EYS: variants seen among roughly 807,000 people sequenced by gnomAD.
EYS encodes the protein protein eyes shut homolog.
A neutral mutation model predicts 282.1 loss-of-function variants in EYS; 250 were observed. That is an observed-to-expected ratio of 0.89 (90% CI 0.80 to 0.98). The LOEUF (loss-of-function observed/expected upper bound fraction) is 0.98. EYS is among the 50% of genes least tolerant of loss of function. The probability of loss-of-function intolerance (pLI) is 0.00; values close to 1 mark genes in which losing one functional copy is unlikely to be tolerated. For missense variants in EYS, 4,016 were observed against 3,709.0 expected (o/e 1.08, Z -2.15); for synonymous variants, 1,355 against 1,282.9 (o/e 1.06, Z -1.20).
intron 12 of EYS, among the ~76,000 whole-genome samples, chr6:65,203,860 C>T (rs1010116236): frequency 6.6e-6 from 1 of 151,318 alleles, no homozygotes; most frequent in Admixed American, 6.6e-5. Context: ...AGATAAAAGA[C>T]AAAATAGATA....
chr6:64,895,604 T>C (rs116705961), intron 18 of EYS, among the ~76,000 whole-genome samples: 1,991 of 152,254 alleles, frequency 0.013, 45 homozygotes, highest in African/African-American at 0.045. Context: ...GATGAGTAAC[T>C]GAACTAAAGC....
intron 30 of EYS, among the ~76,000 whole-genome samples, chr6:64,268,663 C>T (rs1378860434): frequency 6.6e-6 from 1 of 152,000 alleles, no homozygotes; most frequent in Non-Finnish European, 1.5e-5. Flanking sequence ...ATAGCACTTG[C>T]TGATAGATAG....
intron 29 of EYS, among the ~76,000 whole-genome samples, chr6:64,348,044 A>T (rs2150401382): frequency 6.6e-6 from 1 of 151,542 alleles, no homozygotes; most frequent in African/African-American, 2.4e-5. Flanking sequence ...TTTAATATTT[A>T]AAATTTTTTC....
At chr6:65,575,367 G>T (rs1015152332) in intron 2 of EYS, among the ~76,000 whole-genome samples, 1 of 99,984 alleles carries the variant, frequency 1.0e-5, no homozygotes, top group African/African-American at 3.3e-5. Context: ...TTGATTAAAA[G>T]AAAAAAGTTT....
chr6:65,657,783 G>A (rs1359566933), intron 1 of EYS, among the ~76,000 whole-genome samples: 3 of 151,788 alleles, frequency 2.0e-5, no homozygotes, highest in Non-Finnish European at 4.4e-5. Context: ...TCTACTGTGG[G>A]TAAAATGTTA....
At chr6:65,472,829 T>C (rs1765263483) in intron 5 of EYS, among the ~76,000 whole-genome samples, 2 of 151,996 alleles carry the variant, frequency 1.3e-5, no homozygotes, top group Non-Finnish European at 2.9e-5. Context: ...GTAAATATTG[T>C]CTTTATAAAA....
chr6:65,503,187 T>C (rs1303271453), intron 2 of EYS, among the ~76,000 whole-genome samples: 3 of 151,712 alleles, frequency 2.0e-5, no homozygotes, highest in Non-Finnish European at 4.4e-5. Flanking sequence ...TACTGGTATC[T>C]CATTGTTGCT....
chr6:63,817,210 C>A (rs1247587685), intron 36 of EYS, among the ~76,000 whole-genome samples: 2 of 152,132 alleles, frequency 1.3e-5, no homozygotes, highest in African/African-American at 4.8e-5. Context: ...TCAGCATCCA[C>A]AAGAGATAGT....
chr6:64,552,876 G>A (rs1418573402), intron 26 of EYS, among the ~76,000 whole-genome samples: 4 of 151,668 alleles, frequency 2.6e-5, no homozygotes, highest in East Asian at 2.0e-4. Flanking sequence ...CAGAGATCAC[G>A]CCATTGCACT....
At chr6:65,393,440 G>A (rs950289113) in intron 7 of EYS, among the ~76,000 whole-genome samples, 1 of 152,142 alleles carries the variant, frequency 6.6e-6, no homozygotes, top group Non-Finnish European at 1.5e-5. Context: ...AAATTATTGA[G>A]TGACCAAGTG....
At chr6:64,954,273 TA>T (rs962156538) in intron 14 of EYS, among the ~76,000 whole-genome samples, 338 of 145,364 alleles carry the variant, frequency 2.3e-3, no homozygotes, top group African/African-American at 6.5e-3. Flanking sequence ...AATGTCGGTT[TA>T]AAAAAAAAAA....
chr6:65,544,710 T>A (rs889659631), intron 2 of EYS, among the ~76,000 whole-genome samples: 1 of 152,118 alleles, frequency 6.6e-6, no homozygotes, highest in African/African-American at 2.4e-5. Flanking sequence ...ATGTGCTGAG[T>A]AAAATTTTTA....
chr6:63,919,334 T>G (rs867599203), intron 35 of EYS, among the ~76,000 whole-genome samples: 19 of 95,846 alleles, frequency 2.0e-4, no homozygotes, highest in African/African-American at 3.6e-4. Flanking sequence ...TTTTTTTTTT[T>G]TGTGCAGCCT....
intron 28 of EYS, among the ~76,000 whole-genome samples, chr6:64,392,693 C>T (rs1035088264): frequency 6.7e-6 from 1 of 148,968 alleles, no homozygotes; most frequent in Non-Finnish European, 1.5e-5. Flanking sequence ...GCAAAATTGA[C>T]ACCCTAACAT....
At chr6:64,309,114 A>C (rs956085839) in intron 29 of EYS, among the ~76,000 whole-genome samples, 1 of 152,162 alleles carries the variant, frequency 6.6e-6, no homozygotes. Context: ...GTGAATGTTC[A>C]AACTTAAATC....
chr6:65,369,103 T>G (rs1402374198), intron 8 of EYS, among the ~76,000 whole-genome samples: 5 of 150,696 alleles, frequency 3.3e-5, no homozygotes, highest in Non-Finnish European at 7.4e-5. Flanking sequence ...CAAAACTCTT[T>G]CAAATTTTTC....
intron 12 of EYS, among the ~76,000 whole-genome samples, chr6:65,223,862 T>G (rs998212176): frequency 6.6e-6 from 1 of 152,138 alleles, no homozygotes; most frequent in Non-Finnish European, 1.5e-5. Flanking sequence ...AAGACTGTAC[T>G]CAACCTGGGC....
chr6:65,418,038 T>C (rs1366147398), intron 5 of EYS, among the ~76,000 whole-genome samples: 2 of 151,990 alleles, frequency 1.3e-5, no homozygotes, highest in East Asian at 1.9e-4. Context: ...CACTGAATTA[T>C]GATATGAGAA....
Position 64,591,216 on chromosome 6 carries a change from C to A in EYS, c.4651G>T (p.Glu1551Ter), listed in dbSNP as rs1305702728. Residue 1551 changes from glutamate to a stop codon, truncating the protein, a stop_gained, in exon 26 of 43, where the codon GAA becomes TAA. Coordinates refer to ENST00000503581, the MANE Select transcript of EYS (RefSeq NM_001142800.2). LOFTEE classifies it high-confidence loss of function. ...IKSQAADSLRELSQTCATCSM... is the reference protein window; with the variant it reads ...IKSQAADSLR ...CATGTTGCACATGTTTGGCTTAATT[C>A]TCTTAAAGAATCAGCAGCCTGTGAT... The A allele has an allele frequency of 1.9e-6, 3 of 1,551,248 alleles. No individual in the cohort carries two copies. Among genetic ancestry groups the A allele is most frequent in the Admixed American group, 3.9e-5 (2 of 50,934 alleles).
Sources: allele counts gnomAD v4.1 joint callset (sites outside exome capture counted in the v4.1 genomes callset), GRCh38; gene constraint gnomAD v4.1.1; transcripts MANE v1.5; gene names NCBI Gene and HGNC (gene_info 2026-07-23, HGNC 2026-07-21).